Variants in ANKRD13C observed in about 807,000 individuals in gnomAD.
The protein encoded by ANKRD13C is ankyrin repeat domain 13C, also known as ankyrin repeat domain-containing protein 13C.
Under a neutral mutation model 65.5 loss-of-function variants are expected in ANKRD13C, and 16 were observed. That is an observed-to-expected ratio of 0.24 (90% CI 0.17 to 0.37). ANKRD13C has a LOEUF of 0.37. Among genes scored for constraint, ANKRD13C ranks in the 10% least tolerant of loss-of-function variants. The pLI, the probability that ANKRD13C is intolerant of heterozygous loss-of-function variation, is 1.00. For missense variants in ANKRD13C, 503 were observed against 655.9 expected (o/e 0.77, Z 2.55); for synonymous variants, 235 against 238.7 (o/e 0.98, Z 0.14).
intron 1 of ANKRD13C, among the ~76,000 whole-genome samples, chr1:70,352,243 G>A (rs969015257): frequency 2.6e-5 from 4 of 151,146 alleles, no homozygotes; most frequent in African/African-American, 9.7e-5. Context: ...AGGAGGCTGA[G>A]GCAGGAGAAT....
At chr1:70,289,874 T>C (rs1679785703) in intron 9 of ANKRD13C, among the ~76,000 whole-genome samples, 1 of 152,148 alleles carries the variant, frequency 6.6e-6, no homozygotes, top group South Asian at 2.1e-4. Context: ...ACAATATAAG[T>C]CCAAAGAGAT....
chr1:70,340,911 G>GACC (rs1490033599), intron 1 of ANKRD13C, among the ~76,000 whole-genome samples: 1 of 152,142 alleles, frequency 6.6e-6, no homozygotes, highest in Non-Finnish European at 1.5e-5. Flanking sequence ...AGGAGCTTGA[G>GACC]ACCAGCCTAG....
intron 9 of ANKRD13C, among the ~76,000 whole-genome samples, chr1:70,277,774 T>C (rs1426033599): frequency 1.3e-5 from 2 of 152,068 alleles, no homozygotes; most frequent in Non-Finnish European, 2.9e-5. Context: ...CAACAGTAGA[T>C]GGTAAAAATC....
At chr1:70,295,978 C>T in intron 8 of ANKRD13C, 152 bp downstream of exon 8, 2 of 794,056 alleles carry the variant, frequency 2.5e-6, no homozygotes, top group Non-Finnish European at 3.8e-6. Flanking sequence ...CTCTAACCAT[C>T]CATTATAATT....
intron 1 of ANKRD13C, among the ~76,000 whole-genome samples, chr1:70,340,555 T>C (rs1263605214): frequency 6.6e-6 from 1 of 152,194 alleles, no homozygotes; most frequent in East Asian, 1.9e-4. Context: ...ATTTTAATGG[T>C]GTTGTTCGTA....
rs1438093455 is a variant in ANKRD13C at position 70,354,166 on chromosome 1, G to A, written c.243C>T (p.His81=). 6.2e-7 allele frequency: 1 copy of A among 1,614,034 alleles called. No homozygotes were observed. Among genetic ancestry groups the A allele is most frequent in the Non-Finnish European group, 8.5e-7 (1 of 1,180,040 alleles). Reference sequence around the variant, plus strand: ...GGGAGTTGGCAGTCACGGAGGAATTGTGCAGCGGCAGAGCCGGGGCGCCGG... The same window carrying A: ...GGGAGTTGGCAGTCACGGAGGAATTATGCAGCGGCAGAGCCGGGGCGCCGG... The part of the protein sequence containing the change: ...NPPGAPALPL[H]NSSVTANSQS... Residue 81 remains histidine, a synonymous_variant, in exon 1 of 13, where the codon CAC becomes CAT. Transcript: ENST00000370944.
chr1:70,325,695 G>A (rs940576275), intron 2 of ANKRD13C, among the ~76,000 whole-genome samples: 1 of 151,796 alleles, frequency 6.6e-6, no homozygotes, highest in Non-Finnish European at 1.5e-5. Context: ...TGGCTAACAT[G>A]GTGAAACCCC....
chr1:70,307,062 AGTGT>A (rs1680618009), intron 5 of ANKRD13C, among the ~76,000 whole-genome samples: 1 of 152,180 alleles, frequency 6.6e-6, no homozygotes, highest in Non-Finnish European at 1.5e-5. Context: ...TGTGTACATA[AGTGT>A]GTGTGTATCT....
chr1:70,267,375 G>A, intron 12 of ANKRD13C, among the ~76,000 whole-genome samples: 1 of 151,840 alleles, frequency 6.6e-6, no homozygotes, highest in South Asian at 2.1e-4. Flanking sequence ...GTTTTGTTTT[G>A]TTTTTTTATT....
At chr1:70,347,607 C>T (rs1558317307) in intron 1 of ANKRD13C, among the ~76,000 whole-genome samples, 1 of 152,140 alleles carries the variant, frequency 6.6e-6, no homozygotes, top group African/African-American at 2.4e-5. Flanking sequence ...AGACATAGCT[C>T]TGCAGATGTG....
At chr1:70,303,065 G>T (rs1248498988) in intron 6 of ANKRD13C, among the ~76,000 whole-genome samples, 2 of 152,118 alleles carry the variant, frequency 1.3e-5, no homozygotes, top group Non-Finnish European at 1.5e-5. Context: ...TGACCTTTGA[G>T]ATTTTAGATC....
intron 12 of ANKRD13C, among the ~76,000 whole-genome samples, chr1:70,268,040 G>T (rs1487361182): frequency 1.3e-5 from 2 of 151,112 alleles, no homozygotes; most frequent in South Asian, 2.2e-4. Flanking sequence ...GTGCTTTTTT[G>T]TTGTTGTTGT....
At chr1:70,300,023 A>AAGGT (rs1365929939) in intron 7 of ANKRD13C, among the ~76,000 whole-genome samples, 11 of 152,174 alleles carry the variant, frequency 7.2e-5, no homozygotes, top group Non-Finnish European at 1.6e-4. Context: ...AGAGAAAGGA[A>AAGGT]AGGTAGCCAA....
intron 3 of ANKRD13C, among the ~76,000 whole-genome samples, chr1:70,323,418 G>T (rs1291639259): frequency 2.0e-5 from 3 of 152,018 alleles, no homozygotes; most frequent in African/African-American, 7.2e-5. Context: ...GCCAAGGTGG[G>T]CGGATCACGT....
intron 11 of ANKRD13C, among the ~76,000 whole-genome samples, chr1:70,272,987 CAAAAAATAAATAAATA>C (rs1678958434): frequency 8.2e-6 from 1 of 122,044 alleles, no homozygotes; most frequent in African/African-American, 3.2e-5. Context: ...GACTCTGTCT[CAAAAAATAAATAAATA>C]AATAAATAAA....
chr1:70,272,211 G>C (rs1291506931), intron 11 of ANKRD13C, among the ~76,000 whole-genome samples: 3 of 145,468 alleles, frequency 2.1e-5, no homozygotes, highest in Admixed American at 2.1e-4. Context: ...TCTGGCATTT[G>C]TATGCTGTGT....
intron 9 of ANKRD13C, among the ~76,000 whole-genome samples, chr1:70,279,103 G>C (rs751964965): frequency 5.7e-4 from 86 of 151,764 alleles, no homozygotes; most frequent in Non-Finnish European, 1.0e-3. Context: ...GCTACTTGAA[G>C]GGCCAAGGTG....
chr1:70,319,871 GTAGGATGACTTCC>G (rs201330311), intron 3 of ANKRD13C, among the ~76,000 whole-genome samples: 2,376 of 152,042 alleles, frequency 0.016, 29 homozygotes, highest in South Asian at 0.034. Flanking sequence ...TCTCCCTTAA[GTAGGATGACTTCC>G]TCAATATCAA....
chr1:70,323,653 A>C (rs1169631889), intron 3 of ANKRD13C, among the ~76,000 whole-genome samples: 2 of 151,982 alleles, frequency 1.3e-5, no homozygotes, highest in Non-Finnish European at 2.9e-5. Context: ...TCTCAAAAAA[A>C]AAAATTTTTT....
Sources: gnomAD v4.1 joint callset for allele counts (sites outside exome capture counted in the v4.1 genomes callset) on GRCh38, gnomAD v4.1.1 for gene constraint, MANE v1.5 for transcripts, NCBI Gene and HGNC (gene_info 2026-07-23, HGNC 2026-07-21) for gene names.